NRGN: variants seen among roughly 807,000 people sequenced by gnomAD.
NRGN encodes the protein calmodulin-binding protein.
For missense variants in NRGN, 82 were observed against 123.0 expected (o/e 0.67, Z 1.58); for synonymous variants, 47 against 52.8 (o/e 0.89, Z 0.47).
intron 1 of NRGN, among the ~76,000 whole-genome samples, chr11:124,741,816 T>G (rs1943968355): frequency 6.6e-6 from 1 of 151,998 alleles, no homozygotes; most frequent in African/African-American, 2.4e-5. Context: ...GTCTCCTCTG[T>G]GTCTGCAGTA....
Position 124,740,117 on chromosome 11 carries a change from G to GT in NRGN, c.15+18_15+19insT. 1 of 1,338,932 alleles carries GT rather than the reference G, an allele frequency of 7.5e-7. No individual in the cohort carries two copies. 82.9% of individuals were successfully genotyped at this position (1,338,932 alleles called of 1,614,324 possible). On this transcript the variant is annotated intron_variant, in intron 1 of 3. Transcript: ENST00000284292. This position sits in a 1 kb window ranked among gnomAD's most constrained non-coding sequence, Gnocchi z 7.5. ...GCTGCACCGTAAGTTAGAGGGCCCG[G>GT]GGGAGGGGCACTTGGCGGGGTCCGC...
chr11:124,742,802 G>A (rs930629610), intron 1 of NRGN, among the ~76,000 whole-genome samples: 2 of 152,200 alleles, frequency 1.3e-5, no homozygotes, highest in Non-Finnish European at 2.9e-5. Context: ...ATAACAAGCA[G>A]CAAGCAGGGG....
rs980579768 is a variant in NRGN, at chr11:124,740,595, T to C, written c.15+496T>C. The stretch of plus-strand genomic sequence containing the variant: ...GCAGCGCAGGCTGGTCCATATTGGT[T>C]AGCTCGGTAGTGATGCTGGCTGCAA... On this transcript the variant is annotated intron_variant, in intron 1 of 3. Transcript: ENST00000284292. The surrounding 1 kb of genome is among the most constrained non-coding windows in gnomAD (Gnocchi z 7.5). Among the ~76,000 whole-genome samples, 1 of 152,222 alleles carries C rather than the reference T, an allele frequency of 6.6e-6. No individual in the cohort carries two copies. Among genetic ancestry groups the C allele is most frequent in the Non-Finnish European group, 1.5e-5 (1 of 68,042 alleles).
chr11:124,742,189 C>T (rs1943971233), intron 1 of NRGN, among the ~76,000 whole-genome samples: 1 of 152,108 alleles, frequency 6.6e-6, no homozygotes, highest in African/African-American at 2.4e-5. Context: ...GGGCATTTTC[C>T]TCCCCTTTCT....
rs2071185511 is a variant in NRGN at position 124,740,798 on chromosome 11, G to C, written c.15+699G>C. On this transcript the variant is annotated intron_variant, in intron 1 of 3. Coordinates refer to ENST00000284292, the MANE Select transcript of NRGN (RefSeq NM_006176.3). The surrounding 1 kb of genome is among the most constrained non-coding windows in gnomAD (Gnocchi z 7.5). Reference sequence around the variant, plus strand: ...ACTGCAAGTGCCCAGCGCCCGAGGGGTTTGCTGTAAAGGTGACTCGGTATG... The same window carrying C: ...ACTGCAAGTGCCCAGCGCCCGAGGGCTTTGCTGTAAAGGTGACTCGGTATG... Among the ~76,000 whole-genome samples, 1 of 152,276 alleles carries C rather than the reference G, an allele frequency of 6.6e-6. No individual in the cohort carries two copies. Among genetic ancestry groups the C allele is most frequent in the African/African-American group, 2.4e-5 (1 of 41,480 alleles).
Position 124,741,620 on chromosome 11 carries a change from C to T in NRGN, c.15+1521C>T, listed in dbSNP as rs1270495254. On this transcript the variant is annotated intron_variant, in intron 1 of 3. Coordinates refer to ENST00000284292, the MANE Select transcript of NRGN (RefSeq NM_006176.3). ...TGGGCTCCACTGAGGAAGAGCCCTT[C>T]CTCCCAGCAGTGTTGTATAAAGTAG... Among the ~76,000 whole-genome samples, 4 of 151,982 alleles carry T rather than the reference C, an allele frequency of 2.6e-5. No individual in the cohort carries two copies. The East Asian group carries it at 7.8e-4, about 30-fold the overall frequency.
Position 124,746,903 on chromosome 11 carries a change from T to A in NRGN, c.*523T>A, listed in dbSNP as rs969803276. The A allele has an allele frequency of 6.5e-6, 1 of 152,724 alleles. No individual in the cohort carries two copies. The highest frequency in any genetic ancestry group is 1.5e-5 in the Non-Finnish European group (1 of 68,108). The allele number at this position is 152,724 out of a possible 1,614,324, so 9.5% of individuals were successfully genotyped here. A position where few individuals can be genotyped will look rare whatever the true frequency, so the allele number is the denominator to read the frequency against. On this transcript the variant is annotated 3_prime_UTR_variant, in exon 4 of 4. Transcript: ENST00000284292. ...CGAGATGAAGGGAAGAGGGTTGTTT[T>A]GGTTTCGGACGACCCTTGCTCTGAC...
Position 124,747,064 on chromosome 11 carries a change from T to C in NRGN, c.*684T>C, listed in dbSNP as rs368150967. On this transcript the variant is annotated 3_prime_UTR_variant, in exon 4 of 4. Coordinates refer to ENST00000284292, the MANE Select transcript of NRGN (RefSeq NM_006176.3). ...CTGGGAGGCTCGGTAGGAGGAGTCT[T>C]CCACGGCCCCGCCCCGCCCCTGTCG... 3 of 153,276 alleles carry C rather than the reference T, an allele frequency of 2.0e-5. No individual in the cohort carries two copies. Among genetic ancestry groups the C allele is most frequent in the African/African-American group, 7.2e-5 (3 of 41,530 alleles). 9.5% of individuals were successfully genotyped at this position (153,276 alleles called of 1,614,324 possible). A position where few individuals can be genotyped will look rare whatever the true frequency, so the allele number is the denominator to read the frequency against.
In NRGN at chr11:124,740,138, T is replaced by C; in HGVS notation, c.15+39T>C. On this transcript the variant is annotated intron_variant, in intron 1 of 3. Transcript: ENST00000284292. The surrounding 1 kb of genome is among the most constrained non-coding windows in gnomAD (Gnocchi z 7.5). ...CCCGGGGGAGGGGCACTTGGCGGGG[T>C]CCGCTGCGAGAGGCGCCTGAGAAAG... is the stretch of plus-strand genomic sequence containing the variant. 1.0e-5 allele frequency: 13 copies of C among 1,304,482 alleles called. No individual in the cohort carries two copies. Among genetic ancestry groups the C allele is most frequent in the Non-Finnish European group, 1.3e-5 (13 of 1,017,810 alleles). The allele number at this position is 1,304,482 out of a possible 1,614,324, so 80.8% of individuals were successfully genotyped here.
rs1313732209 is a variant in NRGN, at chr11:124,746,907, T to TCA, written c.*527_*528insCA. ...ATGAAGGGAAGAGGGTTGTTTTGGTTTCGGACGACCCTTGCTCTGACCGGA... is the reference window on the plus strand; with the variant it reads ...ATGAAGGGAAGAGGGTTGTTTTGGTTCATCGGACGACCCTTGCTCTGACCGGA... On this transcript the variant is annotated 3_prime_UTR_variant, in exon 4 of 4. Coordinates refer to ENST00000284292, the MANE Select transcript of NRGN (RefSeq NM_006176.3). 6.5e-6 allele frequency: 1 copy of TCA among 152,716 alleles called. No homozygotes were observed. Among genetic ancestry groups the TCA allele is most frequent in the East Asian group, 1.9e-4 (1 of 5,184 alleles). 9.5% of individuals were successfully genotyped at this position (152,716 alleles called of 1,614,324 possible). A position where few individuals can be genotyped will look rare whatever the true frequency, so the allele number is the denominator to read the frequency against.
Position 124,745,800 on chromosome 11 carries a change from A to C in NRGN, c.*5+71A>C. 4 of 868,206 alleles carry C rather than the reference A, an allele frequency of 4.6e-6. No homozygotes were observed. Among genetic ancestry groups the C allele is most frequent in the Non-Finnish European group, 6.3e-6 (4 of 634,140 alleles). 53.8% of individuals were successfully genotyped at this position (868,206 alleles called of 1,614,324 possible). On this transcript the variant is annotated intron_variant, in intron 2 of 3. Coordinates refer to ENST00000284292, the MANE Select transcript of NRGN (RefSeq NM_006176.3). The surrounding 1 kb of genome is among the most constrained non-coding windows in gnomAD (Gnocchi z 6.4). Reference sequence around the variant, plus strand: ...CCCTCCCCAGGAGCAGGGGGAGAATAAGGGCGGGTTGGAGGTGCAGGGGGC... The same window carrying C: ...CCCTCCCCAGGAGCAGGGGGAGAATCAGGGCGGGTTGGAGGTGCAGGGGGC...
Position 124,745,442 on chromosome 11 carries a change from A to T in NRGN, c.16-61A>T. On this transcript the variant is annotated intron_variant, in intron 1 of 3. Transcript: ENST00000284292. This position sits in a 1 kb window ranked among gnomAD's most constrained non-coding sequence, Gnocchi z 6.4. ...CCCTGTCCCTCAGGGCTCTATTCCTACCCCACTCCCGCGGATCAAGACCCA... is the reference window on the plus strand; with the variant it reads ...CCCTGTCCCTCAGGGCTCTATTCCTTCCCCACTCCCGCGGATCAAGACCCA... The T allele has an allele frequency of 3.1e-6, 4 of 1,302,928 alleles. No homozygotes were observed. The Admixed American group carries it at 9.0e-5, about 29-fold the overall frequency. The allele number at this position is 1,302,928 out of a possible 1,614,324, so 80.7% of individuals were successfully genotyped here.
At chr11:124,743,127 C>G (rs1257654631) in intron 1 of NRGN, among the ~76,000 whole-genome samples, 1 of 152,256 alleles carries the variant, frequency 6.6e-6, no homozygotes, top group Non-Finnish European at 1.5e-5. Context: ...CCTGGCAGCT[C>G]TGTCCTGAAA....
Position 124,745,770 on chromosome 11 carries a change from C to T in NRGN, c.*5+41C>T. On this transcript the variant is annotated intron_variant, in intron 2 of 3. Coordinates refer to ENST00000284292, the MANE Select transcript of NRGN (RefSeq NM_006176.3). This position sits in a 1 kb window ranked among gnomAD's most constrained non-coding sequence, Gnocchi z 6.4. ...CGCGGCTGGCTGACAGCTGCCCTTC[C>T]CCAGCCCTCCCCAGGAGCAGGGGGA... 1 of 1,068,986 alleles carries T rather than the reference C, an allele frequency of 9.4e-7. No individual in the cohort carries two copies. Among genetic ancestry groups the T allele is most frequent in the Non-Finnish European group, 1.2e-6 (1 of 812,908 alleles). The allele number at this position is 1,068,986 out of a possible 1,614,324, so 66.2% of individuals were successfully genotyped here.
intron 3 of NRGN, 86 bp from the exon 4 acceptor site, chr11:124,746,318 A>G (rs1944009955): frequency 6.6e-6 from 1 of 152,598 alleles, no homozygotes; most frequent in Non-Finnish European, 1.5e-5. Flanking sequence ...TCACCGCCCA[A>G]AGAATCCTGG....
Position 124,739,962 on chromosome 11 carries a change from G to T in NRGN, c.-123G>T. On this transcript the variant is annotated 5_prime_UTR_variant, in exon 1 of 4. Coordinates refer to ENST00000284292, the MANE Select transcript of NRGN (RefSeq NM_006176.3). ...GCGGGAGACCGGACCCGAGAGCAGA[G>T]CTGCTGTTTCGGCGCGGGTCGGCTG... is the stretch of plus-strand genomic sequence containing the variant. The T allele has an allele frequency of 2.1e-6, 1 of 474,038 alleles. No individual in the cohort carries two copies. The allele number at this position is 474,038 out of a possible 1,614,324, so 29.4% of individuals were successfully genotyped here. A position where few individuals can be genotyped will look rare whatever the true frequency, so the allele number is the denominator to read the frequency against.
At position 124,745,660 on chromosome 11, in the gene NRGN, C is replaced by G; in HGVS notation, c.173C>G (p.Pro58Arg). ...SGERGRKGPG[P>R]GGPGGAGVAR... The stretch of plus-strand genomic sequence containing the variant: ...GAGCGCGGCCGGAAGGGCCCGGGCC[C>G]TGGGGGGCCTGGCGGAGCTGGGGTG... The change falls in exon 2 of 4, where the codon CCT becomes CGT. Residue 58 changes from proline to arginine, a missense_variant. Pro to Arg is a moderately radical substitution (Grantham distance 103). Coordinates refer to ENST00000284292, the MANE Select transcript of NRGN (RefSeq NM_006176.3). This position sits in a 1 kb window ranked among gnomAD's most constrained non-coding sequence, Gnocchi z 6.4. The G allele has an allele frequency of 6.6e-7, 1 of 1,511,758 alleles. No homozygotes were observed. Among genetic ancestry groups the G allele is most frequent in the Non-Finnish European group, 8.8e-7 (1 of 1,134,738 alleles). 93.6% of individuals were successfully genotyped at this position (1,511,758 alleles called of 1,614,324 possible). A position where few individuals can be genotyped will look rare whatever the true frequency, so the allele number is the denominator to read the frequency against.
rs1371817062 is a variant in NRGN at position 124,745,075 on chromosome 11, G to C, written c.16-428G>C. Among the ~76,000 whole-genome samples the C allele has an allele frequency of 6.6e-6, 1 of 152,124 alleles. No individual in the cohort carries two copies. Among genetic ancestry groups the C allele is most frequent in the Non-Finnish European group, 1.5e-5 (1 of 68,024 alleles). On this transcript the variant is annotated intron_variant, in intron 1 of 3. Transcript: ENST00000284292. This position sits in a 1 kb window ranked among gnomAD's most constrained non-coding sequence, Gnocchi z 6.4. ...CTGAGGCTTCTCCATCCTCTCCACGGAAAACCCTGGACTCAGACTGGGTCC... is the reference window on the plus strand; with the variant it reads ...CTGAGGCTTCTCCATCCTCTCCACGCAAAACCCTGGACTCAGACTGGGTCC...
In NRGN at chr11:124,745,123, G is replaced by C. The variant is rs1023712032; in HGVS notation, c.16-380G>C. On this transcript the variant is annotated intron_variant, in intron 1 of 3. Coordinates refer to ENST00000284292, the MANE Select transcript of NRGN (RefSeq NM_006176.3). This position sits in a 1 kb window ranked among gnomAD's most constrained non-coding sequence, Gnocchi z 6.4. ...TCCTTCTGAGCTGGAGGTACCCTCTGAGAGCAGGGGGACAGGCGGCCACTC... is the reference window on the plus strand; with the variant it reads ...TCCTTCTGAGCTGGAGGTACCCTCTCAGAGCAGGGGGACAGGCGGCCACTC... Among the ~76,000 whole-genome samples the C allele has an allele frequency of 6.6e-6, 1 of 152,108 alleles. No homozygotes were observed. Among genetic ancestry groups the C allele is most frequent in the Admixed American group, 6.5e-5 (1 of 15,274 alleles).
Sources: gnomAD v4.1 joint callset for allele counts (sites outside exome capture counted in the v4.1 genomes callset) on GRCh38, gnomAD v4.1.1 for gene constraint, Gnocchi (gnomAD v3.1) non-coding constraint, MANE v1.5 for transcripts, NCBI Gene and HGNC (gene_info 2026-07-23, HGNC 2026-07-21) for gene names.